Variants in CNTNAP2 observed in about 807,000 individuals in gnomAD.
CNTNAP2 encodes the protein contactin-associated protein-like 2.
Under a neutral mutation model 155.2 loss-of-function variants are expected in CNTNAP2, and 98 were observed. The observed-to-expected ratio is 0.63, with a 90% CI of 0.54 to 0.75. The LOEUF is 0.75. Ranked by LOEUF, CNTNAP2 falls within the 30% of genes least tolerant of loss-of-function variation. The pLI, the probability that CNTNAP2 is intolerant of heterozygous loss-of-function variation, is 0.00. For synonymous variants in CNTNAP2, 651 were observed against 631.2 expected (o/e 1.03, Z -0.47); for missense variants, 1,727 against 1,688.1 (o/e 1.02, Z -0.40).
At chr7:147,874,609 G>A (rs891771261) in intron 13 of CNTNAP2, among the ~76,000 whole-genome samples, 1 of 152,242 alleles carries the variant, frequency 6.6e-6, no homozygotes, top group African/African-American at 2.4e-5. Flanking sequence ...GATGGGAAGG[G>A]CTGCCATGAA....
rs185402883 is a variant in CNTNAP2 at position 148,046,646 on chromosome 7, T to A, written c.2383+68657T>A. On this transcript the variant is annotated intron_variant, in intron 15 of 23. Transcript: ENST00000361727. ...TTTTTAAGCCTCTGATAATTCAGTC[T>A]GTAGAAGCTACCCAGCTCAAGAACA... Among the ~76,000 whole-genome samples the A allele has an allele frequency of 1.6e-4, 24 of 152,344 alleles. No individual in the cohort carries two copies. In the East Asian group the frequency reaches 2.5e-3, roughly 16 times the overall value.
intron 5 of CNTNAP2, among the ~76,000 whole-genome samples, chr7:147,109,773 A>G (rs1800837520): frequency 6.6e-6 from 1 of 152,162 alleles, no homozygotes; most frequent in African/African-American, 2.4e-5. Context: ...TATTTTGACT[A>G]ACTAGAGAGG....
At chr7:147,830,779 A>G (rs1323021439) in intron 13 of CNTNAP2, among the ~76,000 whole-genome samples, 3 of 152,216 alleles carry the variant, frequency 2.0e-5, no homozygotes, top group African/African-American at 7.2e-5. Flanking sequence ...ATTCTCTTGT[A>G]TTAGTGAGTT....
chr7:146,274,297 G>T (rs1223426978), intron 1 of CNTNAP2, among the ~76,000 whole-genome samples: 1 of 152,170 alleles, frequency 6.6e-6, no homozygotes, highest in Non-Finnish European at 1.5e-5. Context: ...TTTGCAAATG[G>T]CGTAAGAAAT....
intron 9 of CNTNAP2, among the ~76,000 whole-genome samples, chr7:147,339,924 G>A (rs1015800877): frequency 6.6e-6 from 1 of 152,114 alleles, no homozygotes; most frequent in Non-Finnish European, 1.5e-5. Flanking sequence ...GGAAGCTCTT[G>A]CTGTCTCTCT....
intron 3 of CNTNAP2, among the ~76,000 whole-genome samples, chr7:146,999,375 G>GTTA (rs950982780): frequency 6.6e-6 from 1 of 151,568 alleles, no homozygotes; most frequent in Non-Finnish European, 1.5e-5. Context: ...AATAATTTTA[G>GTTA]TTATTATTAT....
At chr7:147,490,494 A>G (rs1242479058) in intron 11 of CNTNAP2, among the ~76,000 whole-genome samples, 1 of 152,196 alleles carries the variant, frequency 6.6e-6, no homozygotes, top group Non-Finnish European at 1.5e-5. Flanking sequence ...TTGATAATCC[A>G]TTTCACCTAT....
At chr7:147,933,544 T>TAGATAGATAGATAA (rs1563140060) in intron 14 of CNTNAP2, among the ~76,000 whole-genome samples, 13 of 77,404 alleles carry the variant, frequency 1.7e-4, no homozygotes, top group African/African-American at 3.8e-4. Flanking sequence ...TAGATAGATA[T>TAGATAGATAGATAA]AACAGAATAT....
chr7:148,147,481 G>C lies in CNTNAP2; in HGVS notation c.2555-10G>C, dbSNP rs1805208091. On this transcript the variant is annotated splice_polypyrimidine_tract_variant and intron_variant, in intron 16 of 23. Transcript: ENST00000361727. ...AATACTCATGTTTTTCATGCTTTCTGCTCCTCCAGCTGCCACAGAAGTGTC... is the reference window on the plus strand; with the variant it reads ...AATACTCATGTTTTTCATGCTTTCTCCTCCTCCAGCTGCCACAGAAGTGTC... 1 of 1,613,152 alleles carries C rather than the reference G, an allele frequency of 6.2e-7. No homozygotes were observed. The highest frequency in any genetic ancestry group is 8.5e-7 in the Non-Finnish European group (1 of 1,179,290).
At chr7:147,048,788 CATCA>C (rs990626791) in intron 4 of CNTNAP2, among the ~76,000 whole-genome samples, 4 of 152,138 alleles carry the variant, frequency 2.6e-5, no homozygotes, top group African/African-American at 9.7e-5. Context: ...GGAACCAAAA[CATCA>C]TGTATGTTTT....
rs530677998 is a variant in CNTNAP2, at chr7:146,541,300, C to G, written c.98-232971C>G. 2.0e-5 allele frequency among the ~76,000 whole-genome samples: 3 copies of G among 152,112 alleles called. No homozygotes were observed. The East Asian group carries it at 5.8e-4, about 30-fold the overall frequency. The stretch of plus-strand genomic sequence containing the variant: ...ATTTCCTAAACAGTATGTTGCTCTC[C>G]CTACTGAATAAAATATACCTCATCC... On this transcript the variant is annotated intron_variant, in intron 1 of 23. Transcript: ENST00000361727.
At chr7:146,472,095 G>A (rs919350364) in intron 1 of CNTNAP2, among the ~76,000 whole-genome samples, 1 of 152,106 alleles carries the variant, frequency 6.6e-6, no homozygotes, top group Non-Finnish European at 1.5e-5. Context: ...CTACATTATC[G>A]TCATTCTGCA....
chr7:147,865,544 A>G lies in CNTNAP2; in HGVS notation c.2099-38021A>G, dbSNP rs146332545. Among the ~76,000 whole-genome samples, 1,258 of 152,250 alleles carry G rather than the reference A, an allele frequency of 8.3e-3. 19 individuals carry two copies. Among genetic ancestry groups the G allele is most frequent in the African/African-American group, 0.029 (1,187 of 41,546 alleles). Reference sequence around the variant, plus strand: ...TACCTCTGGTAGAATTCGGCTGTGAATCTGTCTGGTTCTGGACTTTTTTTG... The same window carrying G: ...TACCTCTGGTAGAATTCGGCTGTGAGTCTGTCTGGTTCTGGACTTTTTTTG... On this transcript the variant is annotated intron_variant, in intron 13 of 23. Transcript: ENST00000361727.
intron 11 of CNTNAP2, among the ~76,000 whole-genome samples, chr7:147,555,035 A>C (rs929219320): frequency 1.3e-5 from 2 of 152,242 alleles, no homozygotes; most frequent in African/African-American, 4.8e-5. Context: ...TTGGCTGTGC[A>C]CAAACCTCAG....
rs867770014 is a variant in CNTNAP2, at chr7:146,151,665, T to A, written c.97+34692T>A. 1.5e-3 allele frequency among the ~76,000 whole-genome samples: 72 copies of A among 49,486 alleles called. 6 individuals carry two copies. The highest frequency in any genetic ancestry group is 5.4e-3 in the African/African-American group (68 of 12,580). The allele number at this position is 49,486 out of a possible 152,430, so 32.5% of individuals were successfully genotyped here. A position where few individuals can be genotyped will look rare whatever the true frequency, so the allele number is the denominator to read the frequency against. On this transcript the variant is annotated intron_variant, in intron 1 of 23. Coordinates refer to ENST00000361727, the MANE Select transcript of CNTNAP2 (RefSeq NM_014141.6). ...ATATATATATATATATATATATATA[T>A]ATATATATATATATATGTATATATA...
chr7:148,349,095 G>A (rs1798373133), intron 21 of CNTNAP2, among the ~76,000 whole-genome samples: 1 of 151,966 alleles, frequency 6.6e-6, no homozygotes, highest in South Asian at 2.1e-4. Flanking sequence ...TGACTTGCTG[G>A]TGAGAAAAAA....
chr7:146,220,343 T>C (rs1799186251), intron 1 of CNTNAP2, among the ~76,000 whole-genome samples: 2 of 152,156 alleles, frequency 1.3e-5, no homozygotes, highest in Admixed American at 6.5e-5. Context: ...CTAATATCAA[T>C]GTATGCAAAA....
intron 9 of CNTNAP2, among the ~76,000 whole-genome samples, chr7:147,385,593 A>G (rs1307347345): frequency 6.6e-6 from 1 of 152,222 alleles, no homozygotes; most frequent in Non-Finnish European, 1.5e-5. Context: ...GTGTCCTTTG[A>G]CTTCATGTCT....
chr7:146,824,350 G>C (rs1464386731), intron 2 of CNTNAP2, among the ~76,000 whole-genome samples: 1 of 152,148 alleles, frequency 6.6e-6, no homozygotes, highest in Non-Finnish European at 1.5e-5. Flanking sequence ...ACAAACATAT[G>C]TGTGCATGTG....
Sources: allele counts gnomAD v4.1 joint callset (sites outside exome capture counted in the v4.1 genomes callset), GRCh38; gene constraint gnomAD v4.1.1; transcripts MANE v1.5; gene names NCBI Gene and HGNC (gene_info 2026-07-23, HGNC 2026-07-21).